NPSR1: variants seen among roughly 807,000 people sequenced by gnomAD.
NPSR1 encodes neuropeptide S receptor.
In NPSR1, 48 loss-of-function variants were observed where a neutral mutation model predicts 46.9. The observed-to-expected ratio is 1.02, with a 90% CI of 0.81 to 1.30. NPSR1 has a LOEUF of 1.30. NPSR1 is among the 50% of genes most tolerant of loss of function. The pLI, the probability that NPSR1 is intolerant of heterozygous loss-of-function variation, is 0.00. For missense variants in NPSR1, 450 were observed against 449.5 expected (o/e 1.00, Z -0.01); for synonymous variants, 176 against 168.1 (o/e 1.05, Z -0.36).
intron 2 of NPSR1, among the ~76,000 whole-genome samples, chr7:34,731,852 A>T (rs1343284926): frequency 1.3e-5 from 2 of 152,174 alleles, no homozygotes; most frequent in African/African-American, 4.8e-5. Flanking sequence ...GAGGAACACA[A>T]GACAGCATGG....
chr7:34,814,764 C>A (rs947472359), intron 4 of NPSR1, among the ~76,000 whole-genome samples: 1 of 152,204 alleles, frequency 6.6e-6, no homozygotes. Flanking sequence ...TAGTGATACC[C>A]AGGCAAACAG....
intron 8 of NPSR1, among the ~76,000 whole-genome samples, chr7:34,872,943 C>A (rs1362467808): frequency 6.7e-6 from 1 of 150,344 alleles, no homozygotes; most frequent in Non-Finnish European, 1.5e-5. Context: ...CAGGTCATTT[C>A]TTTGCTTGCA....
intron 2 of NPSR1, among the ~76,000 whole-genome samples, chr7:34,744,588 A>G (rs886276292): frequency 2.6e-5 from 4 of 152,208 alleles, no homozygotes; most frequent in Admixed American, 2.6e-4. Flanking sequence ...TTGGACTCAG[A>G]TGAAGTCTCC....
At chr7:34,724,447 T>C (rs1208905719) in intron 2 of NPSR1, among the ~76,000 whole-genome samples, 1 of 152,188 alleles carries the variant, frequency 6.6e-6, no homozygotes, top group Non-Finnish European at 1.5e-5. Context: ...TCTGATAAAG[T>C]GTGAAACATT....
intron 1 of NPSR1, among the ~76,000 whole-genome samples, chr7:34,679,786 AGG>A (rs1792523244): frequency 1.3e-5 from 2 of 152,168 alleles, no homozygotes; most frequent in African/African-American, 4.8e-5. Context: ...TAGTAATAAA[AGG>A]TAAACTTTAA....
chr7:34,743,445 C>CTT (rs201399099), intron 2 of NPSR1, among the ~76,000 whole-genome samples: 1 of 145,436 alleles, frequency 6.9e-6, no homozygotes, highest in Non-Finnish European at 1.5e-5. Context: ...TCTCTGTCTT[C>CTT]TTTTTTTTTT....
downstream of NPSR1, among the ~76,000 whole-genome samples, chr7:34,853,547 A>C (rs1044766008): frequency 3.3e-5 from 5 of 152,244 alleles, no homozygotes; most frequent in African/African-American, 1.2e-4. Context: ...TTAACATTTT[A>C]AAAGTGCAAT....
intron 2 of NPSR1, chr7:34,751,914 TCAAA>T: frequency 7.0e-7 from 1 of 1,438,218 alleles, no homozygotes; most frequent in Non-Finnish European, 9.8e-7. Flanking sequence ...CCGCAGTCAC[TCAAA>T]CAACTTGTGT....
chr7:34,710,813 A>C, intron 2 of NPSR1: 2 of 516,684 alleles, frequency 3.9e-6, no homozygotes, highest in Non-Finnish European at 7.2e-6. Context: ...CCCTTAAGAA[A>C]AAGCAAAGGA....
intron 2 of NPSR1, chr7:34,710,740 A>G: frequency 2.6e-6 from 1 of 390,252 alleles, no homozygotes; most frequent in Non-Finnish European, 4.9e-6. Flanking sequence ...GCCTATAAGC[A>G]TCAACTGCAA....
At chr7:34,720,708 C>A (rs936152782) in intron 2 of NPSR1, among the ~76,000 whole-genome samples, 1 of 152,160 alleles carries the variant, frequency 6.6e-6, no homozygotes, top group East Asian at 1.9e-4. Flanking sequence ...TGGCTAGAGA[C>A]CCCATCAGAA....
At chr7:34,675,120 A>G (rs1350984653) in intron 1 of NPSR1, among the ~76,000 whole-genome samples, 1 of 152,190 alleles carries the variant, frequency 6.6e-6, no homozygotes, top group Non-Finnish European at 1.5e-5. Context: ...TTCCTTACCT[A>G]TAAGATTGAG....
chr7:34,810,199 T>A (rs1320748920), intron 3 of NPSR1, among the ~76,000 whole-genome samples: 1 of 152,254 alleles, frequency 6.6e-6, no homozygotes, highest in Non-Finnish European at 1.5e-5. Context: ...TAGACTTCAA[T>A]CTACAAGTTA....
At chr7:34,751,474 A>C (rs1785522923) in intron 2 of NPSR1, 2 of 1,195,280 alleles carry the variant, frequency 1.7e-6, no homozygotes, top group South Asian at 2.4e-5. Flanking sequence ...GCCGCGGATT[A>C]GTTCTGCCTC....
At chr7:34,846,865 T>C (rs1305337605) in intron 7 of NPSR1, among the ~76,000 whole-genome samples, 5 of 152,236 alleles carry the variant, frequency 3.3e-5, no homozygotes, top group Non-Finnish European at 7.3e-5. Flanking sequence ...AGGGTTCTCC[T>C]CTACATGAAT....
chr7:34,742,790 C>T (rs1297652369), intron 2 of NPSR1, among the ~76,000 whole-genome samples: 2 of 152,192 alleles, frequency 1.3e-5, no homozygotes, highest in African/African-American at 2.4e-5. Flanking sequence ...ATAATTCTTC[C>T]CTTTTCTCTG....
chr7:34,700,820 G>C (rs1315254362), intron 2 of NPSR1, among the ~76,000 whole-genome samples: 1 of 152,156 alleles, frequency 6.6e-6, no homozygotes, highest in East Asian at 1.9e-4. Context: ...TGGAGTTGTG[G>C]TGAGGATTAA....
At chr7:34,784,026 G>T (rs913655536) in intron 3 of NPSR1, among the ~76,000 whole-genome samples, 2 of 150,126 alleles carry the variant, frequency 1.3e-5, no homozygotes, top group African/African-American at 4.9e-5. Context: ...TCAAGCTAAA[G>T]GAAAAAAAAA....
intron 8 of NPSR1, among the ~76,000 whole-genome samples, chr7:34,862,143 T>C (rs1439324883): frequency 1.3e-5 from 2 of 151,760 alleles, no homozygotes; most frequent in Non-Finnish European, 2.9e-5. Context: ...ACCAAATTTC[T>C]CAGACTACCT....
Sources: gnomAD v4.1 joint callset for allele counts (sites outside exome capture counted in the v4.1 genomes callset) on GRCh38, gnomAD v4.1.1 for gene constraint, MANE v1.5 for transcripts, NCBI Gene and HGNC (gene_info 2026-07-23, HGNC 2026-07-21) for gene names.